MRPL3: variants seen among roughly 807,000 people sequenced by gnomAD.
The protein encoded by MRPL3 is large ribosomal subunit protein uL3m.
MRPL3 carries 43 observed loss-of-function variants against 44.3 expected under a neutral mutation model. That is an observed-to-expected ratio of 0.97 (90% CI 0.76 to 1.25). MRPL3 has a LOEUF of 1.25. MRPL3 is among the 50% of genes most tolerant of loss of function. The pLI, the probability that MRPL3 is intolerant of heterozygous loss-of-function variation, is 0.00. For synonymous variants in MRPL3, 171 were observed against 152.3 expected, an observed-to-expected ratio of 1.12 and a Z score of -0.91; for missense variants, 406 against 427.6, an observed-to-expected ratio of 0.95 and a Z score of 0.45.
chr3:131,495,956 A>G (rs1000683168), intron 4 of MRPL3, among the ~76,000 whole-genome samples: 13 of 152,184 alleles, frequency 8.5e-5, no homozygotes, highest in Non-Finnish European at 1.5e-4. Context: ...TAAAGGTAGA[A>G]ATCAGGATTA....
chr3:131,500,631 GA>G (rs749484539), intron 2 of MRPL3, 110 bp from the exon 3 acceptor site: 1 of 786,148 alleles, frequency 1.3e-6, no homozygotes, highest in Non-Finnish European at 2.1e-6. Context: ...AGGCACGTAA[GA>G]AATATGCTAA....
chr3:131,476,235 A>G (rs1051485367), intron 6 of MRPL3, among the ~76,000 whole-genome samples: 16 of 152,360 alleles, frequency 1.1e-4, no homozygotes, highest in African/African-American at 3.8e-4. Context: ...GAACCTCTTC[A>G]GTAACCTTTA....
At chr3:131,466,016 T>G (rs1933595052) in intron 9 of MRPL3, among the ~76,000 whole-genome samples, 1 of 151,694 alleles carries the variant, frequency 6.6e-6, no homozygotes, top group Non-Finnish European at 1.5e-5. Flanking sequence ...ATCCTCCCAC[T>G]TCAGCCTCCT....
intron 6 of MRPL3, chr3:131,487,470 A>T: frequency 2.1e-6 from 1 of 476,496 alleles, no homozygotes; most frequent in Non-Finnish European, 3.7e-6. Context: ...AAATAAAAAT[A>T]AAAGCTATAA....
At chr3:131,490,317 A>G (rs1934227275) in intron 4 of MRPL3, among the ~76,000 whole-genome samples, 1 of 152,178 alleles carries the variant, frequency 6.6e-6, no homozygotes, top group African/African-American at 2.4e-5. Context: ...CATAGTGTTC[A>G]AATATAGCAC....
chr3:131,479,683 A>C (rs891737504), intron 6 of MRPL3, among the ~76,000 whole-genome samples: 1 of 152,130 alleles, frequency 6.6e-6, no homozygotes, highest in African/African-American at 2.4e-5. Flanking sequence ...GTCTCTACTA[A>C]AAATACAAAA....
At chr3:131,474,525 G>T (rs2110698692) in intron 6 of MRPL3, among the ~76,000 whole-genome samples, 1 of 152,182 alleles carries the variant, frequency 6.6e-6, no homozygotes, top group South Asian at 2.1e-4. Flanking sequence ...TTACAAAACA[G>T]CTAGGAATGG....
At position 131,502,301 on chromosome 3, in the gene MRPL3, T is replaced by A. The variant is rs556468700; in HGVS notation, c.92+429A>T. Among the ~76,000 whole-genome samples, 5 of 152,352 alleles carry A rather than the reference T, an allele frequency of 3.3e-5. No individual in the cohort carries two copies. The East Asian group carries it at 9.6e-4, about 29-fold the overall frequency. On this transcript the variant is annotated intron_variant, in intron 1 of 9. Transcript: ENST00000264995. The stretch of plus-strand genomic sequence containing the variant: ...TCTGCAGTCTACTCTCCTTTTGTAG[T>A]CAGATAAATTCAGGCTAGATTCCTA...
chr3:131,486,447 T>TAA (rs1934125546), intron 6 of MRPL3, among the ~76,000 whole-genome samples: 7 of 149,320 alleles, frequency 4.7e-5, no homozygotes, highest in Admixed American at 2.0e-4. Flanking sequence ...GAGAAAAATT[T>TAA]TTTTTTTTTT....
rs745853706 is a variant in MRPL3 at position 131,502,024 on chromosome 3, A to C, written c.93-309T>G. 3.2e-6 allele frequency: 3 copies of C among 923,112 alleles called. No homozygotes were observed. In the South Asian group the frequency reaches 4.8e-5, roughly 15 times the overall value. The allele number at this position is 923,112 out of a possible 1,614,324, so 57.2% of individuals were successfully genotyped here. On this transcript the variant is annotated intron_variant, in intron 1 of 9. Coordinates refer to ENST00000264995, the MANE Select transcript of MRPL3 (RefSeq NM_007208.4). ...AAGCCACTAACCCATTTGGAAGTGT[A>C]CCTTAATAGTTTTACATTCAGTGGA...
chr3:131,475,810 A>C (rs1933842159), intron 6 of MRPL3, among the ~76,000 whole-genome samples: 1 of 152,254 alleles, frequency 6.6e-6, no homozygotes. Flanking sequence ...TGAATTTTAG[A>C]ACCTAATTGG....
intron 4 of MRPL3, among the ~76,000 whole-genome samples, chr3:131,497,521 A>G (rs530020771): frequency 1.3e-5 from 2 of 152,256 alleles, no homozygotes; most frequent in East Asian, 3.9e-4. Context: ...GTTATAGTAA[A>G]CCTAAAGATG....
At chr3:131,481,132 C>A (rs1582709729) in intron 6 of MRPL3, among the ~76,000 whole-genome samples, 1 of 152,178 alleles carries the variant, frequency 6.6e-6, no homozygotes, top group Non-Finnish European at 1.5e-5. Context: ...CATTACTCTG[C>A]AAATTCCAGA....
intron 6 of MRPL3, among the ~76,000 whole-genome samples, chr3:131,474,969 G>A (rs1933824081): frequency 6.6e-6 from 1 of 152,026 alleles, no homozygotes; most frequent in Admixed American, 6.6e-5. Context: ...TTGGTAGAGA[G>A]AGGGATCTTG....
At chr3:131,465,732 C>G (rs1041173045) in intron 9 of MRPL3, among the ~76,000 whole-genome samples, 1 of 151,972 alleles carries the variant, frequency 6.6e-6, no homozygotes, top group Non-Finnish European at 1.5e-5. Context: ...CAAAATACCA[C>G]GGGAAGTACA....
chr3:131,493,748 T>C (rs1934306995), intron 4 of MRPL3, among the ~76,000 whole-genome samples: 1 of 152,240 alleles, frequency 6.6e-6, no homozygotes, highest in Admixed American at 6.5e-5. Context: ...AGATATATCA[T>C]GACTTGCTCT....
At chr3:131,468,665 T>G (rs1056428437) in intron 8 of MRPL3, among the ~76,000 whole-genome samples, 3 of 151,982 alleles carry the variant, frequency 2.0e-5, no homozygotes, top group African/African-American at 7.2e-5. Context: ...AATAAAATAT[T>G]TGGATAAGGA....
At chr3:131,491,712 C>A (rs957478627) in intron 4 of MRPL3, among the ~76,000 whole-genome samples, 1 of 152,096 alleles carries the variant, frequency 6.6e-6, no homozygotes, top group Non-Finnish European at 1.5e-5. Flanking sequence ...CCCACGCCAA[C>A]CACTTACCAC....
At chr3:131,493,626 C>T (rs1356146017) in intron 4 of MRPL3, among the ~76,000 whole-genome samples, 1 of 152,158 alleles carries the variant, frequency 6.6e-6, no homozygotes, top group Non-Finnish European at 1.5e-5. Context: ...TAAAGTTTGT[C>T]TAACTCTTCC....
Sources: allele counts gnomAD v4.1 joint callset (sites outside exome capture counted in the v4.1 genomes callset), GRCh38; gene constraint gnomAD v4.1.1; transcripts MANE v1.5; gene names NCBI Gene and HGNC (gene_info 2026-07-23, HGNC 2026-07-21).